HDAC9: variants seen among roughly 807,000 people sequenced by gnomAD.
HDAC9 encodes MEF-2 interacting transcription repressor (MITR) protein.
A neutral mutation model predicts 139.4 loss-of-function variants in HDAC9; 41 were observed. That is an observed-to-expected ratio of 0.29 (90% CI 0.23 to 0.38). The LOEUF (loss-of-function observed/expected upper bound fraction) is 0.38, where lower values mean the gene tolerates loss of function less well. Among genes scored for constraint, HDAC9 ranks in the 10% least tolerant of loss-of-function variants. The pLI, the probability that HDAC9 is intolerant of heterozygous loss-of-function variation, is 1.00. For synonymous variants in HDAC9, 517 were observed against 476.2 expected, an observed-to-expected ratio of 1.09 and a Z score of -1.12; for missense variants, 1,147 against 1,297.0, an observed-to-expected ratio of 0.88 and a Z score of 1.78.
intron 1 of HDAC9, among the ~76,000 whole-genome samples, chr7:18,463,971 C>G (rs1794063673): frequency 6.6e-6 from 1 of 151,802 alleles, no homozygotes; most frequent in Admixed American, 6.6e-5. Flanking sequence ...GTCAATTATC[C>G]TCAAGGATTT....
intron 20 of HDAC9, 108 bp from the exon 21 acceptor site, chr7:18,835,792 T>G: frequency 1.0e-6 from 1 of 963,856 alleles, no homozygotes. Context: ...ATTTGATGTG[T>G]TGTTTGATGT....
intron 6 of HDAC9, among the ~76,000 whole-genome samples, chr7:18,617,674 T>G (rs1839027956): frequency 6.6e-6 from 1 of 152,304 alleles, no homozygotes; most frequent in African/African-American, 2.4e-5. Context: ...TATATTAAAA[T>G]TACATTCTAC....
chr7:18,129,730 T>C (rs142307333), intron 1 of HDAC9, among the ~76,000 whole-genome samples: 120 of 152,274 alleles, frequency 7.9e-4, no homozygotes, highest in African/African-American at 2.8e-3. Context: ...ATTTTCCCCA[T>C]TAACTGTCCT....
At chr7:18,344,681 T>G (rs1782267472) in intron 1 of HDAC9, among the ~76,000 whole-genome samples, 1 of 151,916 alleles carries the variant, frequency 6.6e-6, no homozygotes, top group Non-Finnish European at 1.5e-5. Context: ...AAAATAGGAG[T>G]TAAAAATTTG....
At chr7:18,850,081 TAAAAAAAAAA>T (rs11327408) in intron 21 of HDAC9, among the ~76,000 whole-genome samples, 4 of 82,314 alleles carry the variant, frequency 4.9e-5, no homozygotes, top group Admixed American at 1.3e-4. Context: ...AAAGCCTGAG[TAAAAAAAAAA>T]AAAAAAAAAG....
At chr7:18,190,864 TTACCTTTGTAAACTCC>T (rs1790302686) in intron 2 of HDAC9, among the ~76,000 whole-genome samples, 1 of 152,314 alleles carries the variant, frequency 6.6e-6, no homozygotes, top group African/African-American at 2.4e-5. Context: ...TATGCATGTT[TTACCTTTGTAAACTCC>T]TACCTTTGTA....
At chr7:18,982,285 A>G (rs1234653974) in intron 25 of HDAC9, among the ~76,000 whole-genome samples, 1 of 152,148 alleles carries the variant, frequency 6.6e-6, no homozygotes, top group African/African-American at 2.4e-5. Flanking sequence ...AATCAAAAAC[A>G]AAACAAAACA....
chr7:18,616,306 G>A (rs1272591753), intron 6 of HDAC9, among the ~76,000 whole-genome samples: 2 of 152,110 alleles, frequency 1.3e-5, no homozygotes, highest in African/African-American at 4.8e-5. Context: ...AGTGCTTAGA[G>A]TTTTCGTTAA....
At chr7:18,480,936 T>A (rs965795267) in intron 1 of HDAC9, among the ~76,000 whole-genome samples, 5 of 152,200 alleles carry the variant, frequency 3.3e-5, no homozygotes, top group African/African-American at 9.7e-5. Flanking sequence ...CAGTTCCTCG[T>A]GCCCAAACTT....
At chr7:18,544,322 A>G (rs1178167273) in intron 2 of HDAC9, among the ~76,000 whole-genome samples, 1 of 152,224 alleles carries the variant, frequency 6.6e-6, no homozygotes, top group Non-Finnish European at 1.5e-5. Flanking sequence ...TTGGGCTTCA[A>G]TAATTGGATG....
At chr7:18,588,212 T>C (rs566899401) in intron 3 of HDAC9, among the ~76,000 whole-genome samples, 2 of 152,244 alleles carry the variant, frequency 1.3e-5, no homozygotes, top group South Asian at 4.1e-4. Context: ...AATAGCTTTT[T>C]ATTTTTGTTC....
chr7:18,426,922 TAAC>T (rs1314471125), intron 1 of HDAC9, among the ~76,000 whole-genome samples: 2 of 152,222 alleles, frequency 1.3e-5, no homozygotes, highest in Non-Finnish European at 2.9e-5. Context: ...TTTTTGGTCT[TAAC>T]AATAGCACTT....
intron 17 of HDAC9, among the ~76,000 whole-genome samples, chr7:18,822,622 G>A (rs1795072267): frequency 6.6e-6 from 1 of 152,130 alleles, no homozygotes; most frequent in Non-Finnish European, 1.5e-5. Flanking sequence ...CAAAATGCTG[G>A]GATTACAGGC....
chr7:18,666,666 C>A, intron 12 of HDAC9, 190 bp downstream of exon 12: 1 of 1,369,020 alleles, frequency 7.3e-7, no homozygotes, highest in Non-Finnish European at 9.6e-7. Context: ...TTTCTATATA[C>A]TGATCTCTAT....
rs975976582 is a variant in HDAC9 at position 18,549,323 on chromosome 7, A to C, written c.23-35958A>C. Reference sequence around the variant, plus strand: ...ATTTGTCCTACAAAAATTAAAACTTATGTTCGCACAGAATATTGTGCACAG... The same window carrying C: ...ATTTGTCCTACAAAAATTAAAACTTCTGTTCGCACAGAATATTGTGCACAG... On this transcript the variant is annotated intron_variant, in intron 2 of 25. Transcript: ENST00000686413. 8.5e-5 allele frequency among the ~76,000 whole-genome samples: 13 copies of C among 152,202 alleles called. 1 individual carries two copies. The South Asian group carries it at 1.0e-3, about 12-fold the overall frequency.
At chr7:18,458,292 G>A (rs1793527803) in intron 1 of HDAC9, among the ~76,000 whole-genome samples, 1 of 152,200 alleles carries the variant, frequency 6.6e-6, no homozygotes, top group Non-Finnish European at 1.5e-5. Flanking sequence ...TAATGAGCAA[G>A]AGGAGAGCTC....
rs554559001 is a variant in HDAC9 at position 18,193,172 on chromosome 7, G to A, written c.25+30823G>A. Among the ~76,000 whole-genome samples the A allele has an allele frequency of 2.0e-5, 3 of 152,298 alleles. No individual in the cohort carries two copies. The South Asian group carries it at 6.2e-4, about 32-fold the overall frequency. On this transcript the variant is annotated intron_variant, in intron 2 of 12. Transcript: ENST00000417496. ...CTCTGAGCACCATGTTGGATGGGTA[G>A]TTGGTGCTTGTAATACCAAGGGGAA...
intron 8 of HDAC9, among the ~76,000 whole-genome samples, chr7:18,640,284 A>C (rs1308381865): frequency 6.9e-6 from 1 of 144,042 alleles, no homozygotes; most frequent in African/African-American, 2.6e-5. Context: ...TTTGAGCCCA[A>C]GAGTTTGAAG....
At chr7:18,093,041 C>T (rs536298639) in intron 1 of HDAC9, among the ~76,000 whole-genome samples, 59 of 152,138 alleles carry the variant, frequency 3.9e-4, no homozygotes, top group Non-Finnish European at 6.6e-4. Context: ...AGCTAAGGAC[C>T]ATTGTACTAT....
Sources: allele counts gnomAD v4.1 joint callset (sites outside exome capture counted in the v4.1 genomes callset), GRCh38; gene constraint gnomAD v4.1.1; transcripts MANE v1.5; gene names NCBI Gene and HGNC (gene_info 2026-07-23, HGNC 2026-07-21).